The following C11orf24 variants were observed in gnomAD, a reference collection of about 807,000 sequenced individuals.
C11orf24 encodes the protein chromosome 11 open reading frame 24.
A neutral mutation model predicts 7.3 loss-of-function variants in C11orf24; 5 were observed. The ratio of observed to expected loss-of-function variants is 0.69; its 90% CI spans 0.36 to 1.45. The LOEUF (loss-of-function observed/expected upper bound fraction) is 1.45, where lower values mean the gene tolerates loss of function less well. Among genes scored for constraint, C11orf24 ranks in the 40% most tolerant of loss-of-function variants. The probability of loss-of-function intolerance (pLI) is 0.03; values close to 1 mark genes in which losing one functional copy is unlikely to be tolerated. For missense variants in C11orf24, 566 were observed against 590.5 expected (o/e 0.96, Z 0.43); for synonymous variants, 233 against 235.7 (o/e 0.99, Z 0.11).
In C11orf24 at chr11:68,271,970, C is replaced by G. The variant is rs540333936; in HGVS notation, c.-411G>C. 6.6e-6 allele frequency: 1 copy of G among 152,170 alleles called. No individual in the cohort carries two copies. The highest frequency in any genetic ancestry group is 6.5e-5 in the Admixed American group (1 of 15,286). 9.4% of individuals were successfully genotyped at this position (152,170 alleles called of 1,614,324 possible). On this transcript the variant is annotated 5_prime_UTR_variant, in exon 1 of 4. Transcript: ENST00000304271. Reference sequence around the variant, plus strand: ...AACCCAGGCAGCTCCGGGCAGCGCGCCCTGCCCGGGCCCCGCCCAAACGCC... The same window carrying G: ...AACCCAGGCAGCTCCGGGCAGCGCGGCCTGCCCGGGCCCCGCCCAAACGCC...
At chr11:68,269,411 G>A (rs1043889906) in intron 1 of C11orf24, among the ~76,000 whole-genome samples, 1 of 152,136 alleles carries the variant, frequency 6.6e-6, no homozygotes, top group African/African-American at 2.4e-5. Flanking sequence ...AATATTTAAC[G>A]CGTACTCAGG....
At chr11:68,263,554 A>G (rs1591132013) in intron 3 of C11orf24, 138 bp downstream of exon 3, 4 of 737,738 alleles carry the variant, frequency 5.4e-6, no homozygotes, top group African/African-American at 3.5e-5. Context: ...TGGCCTGACA[A>G]CCCTTCCCTG....
At chr11:68,267,695 A>T (rs192108212) in intron 2 of C11orf24, 7 of 152,818 alleles carry the variant, frequency 4.6e-5, no homozygotes, top group African/African-American at 1.7e-4. Flanking sequence ...TCTACAAAAA[A>T]TACAGAAATT....
chr11:68,262,354 G>A lies in C11orf24; in HGVS notation c.641C>T (p.Ala214Val), dbSNP rs1591130867. ...GTTTGCTGTGGTCGCTACAGTCTGA[G>A]CACGTGTGGCCAATGTGGCCAGGGT... ...TATLATLATR[A>V]QTVATTANTS... is the part of the protein sequence containing the mutation. The change falls in exon 4 of 4, where the codon GCT (alanine) becomes GTT (valine). Residue 214 changes from alanine (A) to valine (V), a missense_variant. By Grantham distance (64) the Ala-to-Val change is moderately conservative. Coordinates refer to ENST00000304271, the MANE Select transcript of C11orf24 (RefSeq NM_022338.4). The A allele has an allele frequency of 6.2e-7, 1 of 1,614,188 alleles. No individual in the cohort carries two copies. The highest frequency in any genetic ancestry group is 8.5e-7 in the Non-Finnish European group (1 of 1,180,030).
chr11:68,270,928 CTG>C (rs1415053826), intron 1 of C11orf24, among the ~76,000 whole-genome samples: 1 of 152,182 alleles, frequency 6.6e-6, no homozygotes, highest in African/African-American at 2.4e-5. Context: ...GGATGTGACT[CTG>C]TGGCAGACGG....
chr11:68,262,673 T>C lies in C11orf24; in HGVS notation c.322A>G (p.Thr108Ala). 1 of 1,614,078 alleles carries C rather than the reference T, an allele frequency of 6.2e-7. No homozygotes were observed. The highest frequency in any genetic ancestry group is 8.5e-7 in the Non-Finnish European group (1 of 1,180,010). Reference sequence around the variant, plus strand: ...GCAGTCGTACTGGAGGCCACAGCCGTGGGAGCAATGGAGGTCACACCATCA... The same window carrying C: ...GCAGTCGTACTGGAGGCCACAGCCGCGGGAGCAATGGAGGTCACACCATCA... ...AADGVTSIAPTAVASSTTAAS... is the reference protein window; with the variant it reads ...AADGVTSIAPAAVASSTTAAS... Residue 108 changes from threonine (T) to alanine (A), a missense_variant, in exon 4 of 4, where the codon ACG (threonine) becomes GCG (alanine). Coordinates refer to ENST00000304271, the MANE Select transcript of C11orf24 (RefSeq NM_022338.4).
intron 1 of C11orf24, among the ~76,000 whole-genome samples, chr11:68,271,213 G>A (rs2098567750): frequency 2.0e-5 from 3 of 152,338 alleles, no homozygotes; most frequent in South Asian, 4.1e-4. Context: ...TTCTAAGCAC[G>A]ATGATTATTT....
At chr11:68,266,788 G>A (rs10791970) in intron 2 of C11orf24, among the ~76,000 whole-genome samples, 44,690 of 151,944 alleles carry the variant, frequency 0.29, 7,535 homozygotes, top group South Asian at 0.57. Context: ...AACATCTACC[G>A]AATGTTTTTA....
intron 2 of C11orf24, among the ~76,000 whole-genome samples, chr11:68,265,670 G>A (rs2098564729): frequency 6.6e-6 from 1 of 152,116 alleles, no homozygotes; most frequent in Admixed American, 6.5e-5. Context: ...TTGTGTGTGT[G>A]GAGAGAGGAT....
intron 3 of C11orf24, 56 bp from the exon 4 acceptor site, chr11:68,262,974 G>C: frequency 1.3e-6 from 2 of 1,532,570 alleles, no homozygotes; most frequent in Non-Finnish European, 1.8e-6. Flanking sequence ...CCTGCACAGG[G>C]GGATTGCTCA....
chr11:68,265,958 T>A (rs1000764592), intron 2 of C11orf24, among the ~76,000 whole-genome samples: 4 of 152,182 alleles, frequency 2.6e-5, no homozygotes, highest in Admixed American at 2.0e-4. Flanking sequence ...TGCCCATTGG[T>A]CACTCAGGGA....
intron 1 of C11orf24, among the ~76,000 whole-genome samples, chr11:68,269,293 A>G (rs964191918): frequency 1.3e-5 from 2 of 152,250 alleles, no homozygotes; most frequent in Non-Finnish European, 2.9e-5. Flanking sequence ...CACGATCTAT[A>G]TATCAGGAGA....
chr11:68,263,283 G>T (rs1023637658), intron 3 of C11orf24: 4 of 406,506 alleles, frequency 9.8e-6, no homozygotes, highest in African/African-American at 8.0e-5. Flanking sequence ...GGTTTACAAA[G>T]CAGATAAACT....
At chr11:68,264,974 T>C (rs2098564294) in intron 2 of C11orf24, among the ~76,000 whole-genome samples, 2 of 150,898 alleles carry the variant, frequency 1.3e-5, no homozygotes, top group Admixed American at 1.3e-4. Flanking sequence ...GCCCCAAGGG[T>C]GGCTGGGCCC....
At chr11:68,263,596 G>T in intron 3 of C11orf24, 96 bp downstream of exon 3, 1 of 1,154,086 alleles carries the variant, frequency 8.7e-7, no homozygotes, top group South Asian at 1.4e-5. Flanking sequence ...GGTTCCTGAC[G>T]CGTTGGCCTG....
At chr11:68,264,510 C>T in intron 2 of C11orf24, among the ~76,000 whole-genome samples, 1 of 146,460 alleles carries the variant, frequency 6.8e-6, no homozygotes, top group East Asian at 2.1e-4. Flanking sequence ...ACCCACTCAT[C>T]CATCCACCCA....
chr11:68,263,725 A>T lies in C11orf24; in HGVS notation c.43T>A (p.Leu15Ile), dbSNP rs200113757. The change falls in exon 3 of 4, where the codon TTA (leucine) becomes ATA (isoleucine). Residue 15 changes from leucine (L) to isoleucine (I), a missense_variant. By Grantham distance (5) the Leu-to-Ile change is conservative (BLOSUM62 2). Coordinates refer to ENST00000304271, the MANE Select transcript of C11orf24 (RefSeq NM_022338.4). ...LVLIWIFSLSLSESHAASNDP... is the reference protein window; with the variant it reads ...LVLIWIFSLSISESHAASNDP... ...TTGGATGCCGCATGGCTTTCAGATA[A>T]GGACAAGGAGAAAATCCAAATGAGC... is the stretch of plus-strand genomic sequence containing the variant. 4 of 1,613,594 alleles carry T rather than the reference A, an allele frequency of 2.5e-6. No individual in the cohort carries two copies. The highest frequency in any genetic ancestry group is 3.4e-6 in the Non-Finnish European group (4 of 1,179,968).
At chr11:68,263,931 G>C (rs1003737843) in intron 2 of C11orf24, 65 bp from the exon 3 acceptor site, 15 of 620,258 alleles carry the variant, frequency 2.4e-5, no homozygotes, top group African/African-American at 1.7e-4. Context: ...TTGCCTGAGA[G>C]CACCTGCTGT....
intron 2 of C11orf24, among the ~76,000 whole-genome samples, chr11:68,264,919 C>T (rs532974027): frequency 2.0e-5 from 3 of 151,694 alleles, no homozygotes; most frequent in African/African-American, 4.8e-5. Flanking sequence ...AGACAGTATG[C>T]GGGCAGGCCT....
Sources: allele counts gnomAD v4.1 joint callset (sites outside exome capture counted in the v4.1 genomes callset), GRCh38; gene constraint gnomAD v4.1.1; transcripts MANE v1.5; gene names NCBI Gene and HGNC (gene_info 2026-07-23, HGNC 2026-07-21).